The following NAALADL2 variants were observed in gnomAD, a reference collection of about 807,000 sequenced individuals.
NAALADL2 encodes the protein N-acetylated alpha-linked acidic dipeptidase like 2.
Under a neutral mutation model 87.2 loss-of-function variants are expected in NAALADL2, and 76 were observed. That is an observed-to-expected ratio of 0.87 (90% CI 0.72 to 1.05). The LOEUF (loss-of-function observed/expected upper bound fraction) is 1.05, where lower values mean the gene tolerates loss of function less well. Among genes scored for constraint, NAALADL2 ranks in the 50% least tolerant of loss-of-function variants. The probability of loss-of-function intolerance (pLI) is 0.00; values close to 1 mark genes in which losing one functional copy is unlikely to be tolerated. For synonymous variants in NAALADL2, 354 were observed against 331.0 expected (o/e 1.07, Z -0.75); for missense variants, 1,089 against 945.8 (o/e 1.15, Z -1.99).
At chr3:175,076,043 C>T (rs898218826) in intron 1 of NAALADL2, among the ~76,000 whole-genome samples, 2 of 151,916 alleles carry the variant, frequency 1.3e-5, no homozygotes, top group African/African-American at 2.4e-5. Flanking sequence ...GCCTGGGCAA[C>T]ATGGCAAAAT....
intron 2 of NAALADL2, among the ~76,000 whole-genome samples, chr3:175,231,511 T>C (rs1176402292): frequency 1.3e-5 from 2 of 152,058 alleles, no homozygotes; most frequent in African/African-American, 4.8e-5. Context: ...TTGGGAAAAA[T>C]TACTAATTCT....
At chr3:175,090,566 A>ATT (rs5854608) in intron 1 of NAALADL2, among the ~76,000 whole-genome samples, 26,776 of 145,178 alleles carry the variant, frequency 0.18, 2,448 homozygotes, top group East Asian at 0.29. Context: ...TTCACCAATG[A>ATT]TTTTTTTTTT....
intron 3 of NAALADL2, among the ~76,000 whole-genome samples, chr3:174,799,534 C>T (rs1235525611): frequency 6.6e-6 from 1 of 152,190 alleles, no homozygotes; most frequent in African/African-American, 2.4e-5. Context: ...TCCACCATGA[C>T]TGTGAAGCTT....
intron 9 of NAALADL2, among the ~76,000 whole-genome samples, chr3:175,528,227 G>T (rs549082288): frequency 6.6e-6 from 1 of 151,972 alleles, no homozygotes; most frequent in East Asian, 1.9e-4. Context: ...AGATTACAAG[G>T]TCCCACAATA....
chr3:175,269,066 G>A (rs935560492), intron 4 of NAALADL2, among the ~76,000 whole-genome samples: 1 of 151,388 alleles, frequency 6.6e-6, no homozygotes. Flanking sequence ...AGCCTCCCAA[G>A]TAGCTAGGAT....
At chr3:175,558,789 G>A (rs1225131004) in intron 9 of NAALADL2, among the ~76,000 whole-genome samples, 1 of 152,098 alleles carries the variant, frequency 6.6e-6, no homozygotes, top group Non-Finnish European at 1.5e-5. Flanking sequence ...CTTTGTGTCT[G>A]TTTTTATGCC....
intron 10 of NAALADL2, among the ~76,000 whole-genome samples, chr3:175,576,575 G>A (rs1046909237): frequency 1.3e-5 from 2 of 152,140 alleles, no homozygotes; most frequent in African/African-American, 4.8e-5. Context: ...ATGTTAATGT[G>A]AGCCTTGTGG....
At chr3:175,393,648 G>A (rs1381967198) in intron 5 of NAALADL2, among the ~76,000 whole-genome samples, 1 of 152,090 alleles carries the variant, frequency 6.6e-6, no homozygotes, top group Non-Finnish European at 1.5e-5. Context: ...TTATTTGAGA[G>A]TAAATTATCT....
chr3:174,706,888 T>C (rs1322797868), intron 2 of NAALADL2, among the ~76,000 whole-genome samples: 1 of 152,196 alleles, frequency 6.6e-6, no homozygotes, highest in Non-Finnish European at 1.5e-5. Context: ...ATTTGTTAAA[T>C]AGGGAATCCT....
intron 1 of NAALADL2, among the ~76,000 whole-genome samples, chr3:174,509,568 A>ATTTTTTTTTTTTTTTT (rs145219498): frequency 3.7e-5 from 3 of 80,118 alleles, no homozygotes; most frequent in Non-Finnish European, 6.8e-5. Flanking sequence ...CACCCAGCTA[A>ATTTTTTTTTTTTTTTT]TTTTTTTTTT....
intron 2 of NAALADL2, among the ~76,000 whole-genome samples, chr3:174,565,187 A>T (rs1714105586): frequency 6.6e-6 from 1 of 152,066 alleles, no homozygotes; most frequent in Non-Finnish European, 1.5e-5. Flanking sequence ...TCTTAACTAA[A>T]GTCTATAGAT....
intron 2 of NAALADL2, among the ~76,000 whole-genome samples, chr3:175,170,473 AT>A (rs1464934745): frequency 6.8e-6 from 1 of 146,898 alleles, no homozygotes; most frequent in East Asian, 1.9e-4. Context: ...ATATATAAAT[AT>A]AATATAATAT....
At chr3:175,413,807 TA>T (rs1714076998) in intron 5 of NAALADL2, among the ~76,000 whole-genome samples, 2 of 151,876 alleles carry the variant, frequency 1.3e-5, no homozygotes, top group Admixed American at 1.3e-4. Flanking sequence ...TGGGATAGGT[TA>T]AAAGGTTTAT....
At position 175,013,063 on chromosome 3, in the gene NAALADL2, A is replaced by ATATATATAAATATGTATATATATT. The variant is rs1750097289; in HGVS notation, c.44-83711_44-83710insTATATATTTATATATAAATATGTA. On this transcript the variant is annotated intron_variant, in intron 1 of 13. Transcript: ENST00000454872. ...ATAATATATACATAAATATATACAC[A>ATATATATAAATATGTATATATATT]TATATATAAATATGTAATACATATT... Among the ~76,000 whole-genome samples, 5 of 35,848 alleles carry ATATATATAAATATGTATATATATT rather than the reference A, an allele frequency of 1.4e-4. 1 individual carries two copies. The Admixed American group carries it at 2.3e-3, about 16-fold the overall frequency. The allele number at this position is 35,848 out of a possible 152,430, so 23.5% of individuals were successfully genotyped here. A position where few individuals can be genotyped will look rare whatever the true frequency, so the allele number is the denominator to read the frequency against.
chr3:174,670,387 A>T (rs572655327), intron 2 of NAALADL2, among the ~76,000 whole-genome samples: 3 of 152,098 alleles, frequency 2.0e-5, no homozygotes, highest in Admixed American at 1.3e-4. Context: ...GAAAACCACA[A>T]GAGTTTTATT....
intron 9 of NAALADL2, among the ~76,000 whole-genome samples, chr3:175,517,487 A>G (rs1732014245): frequency 6.6e-6 from 1 of 152,170 alleles, no homozygotes; most frequent in African/African-American, 2.4e-5. Context: ...ACACATATCA[A>G]TGCATCATAT....
In NAALADL2 at chr3:174,612,024, A is replaced by T. The variant is rs78994855; in HGVS notation, c.-115+61387A>T. Among the ~76,000 whole-genome samples the T allele has an allele frequency of 9.8e-3, 1,455 of 148,638 alleles. 23 individuals are homozygous for T. The highest frequency in any genetic ancestry group is 0.035 in the African/African-American group (1,404 of 40,246). ...CTTTTCTTTGTCTGAGAAAATCTTTATTTCTTGTTCATGTTTGAAAGATAT... is the reference window on the plus strand; with the variant it reads ...CTTTTCTTTGTCTGAGAAAATCTTTTTTTCTTGTTCATGTTTGAAAGATAT... On this transcript the variant is annotated intron_variant, in intron 2 of 3. Transcript: ENST00000434257.
chr3:174,645,488 A>G (rs1450986969), intron 2 of NAALADL2, among the ~76,000 whole-genome samples: 3 of 152,210 alleles, frequency 2.0e-5, no homozygotes, highest in African/African-American at 4.8e-5. Flanking sequence ...TATGTGAAAA[A>G]TAGAGTTGGA....
At chr3:175,187,034 A>T (rs927707748) in intron 2 of NAALADL2, among the ~76,000 whole-genome samples, 4 of 152,130 alleles carry the variant, frequency 2.6e-5, no homozygotes, top group Non-Finnish European at 5.9e-5. Context: ...ATCAAATTCA[A>T]AAAGCTAGGT....
Sources: allele counts gnomAD v4.1 joint callset (sites outside exome capture counted in the v4.1 genomes callset), GRCh38; gene constraint gnomAD v4.1.1; transcripts MANE v1.5; gene names NCBI Gene and HGNC (gene_info 2026-07-23, HGNC 2026-07-21).